Variants in DHRS4 observed in about 807,000 individuals in gnomAD.
DHRS4 encodes dehydrogenase/reductase SDR family member 4.
Under a neutral mutation model 28.4 loss-of-function variants are expected in DHRS4, and 20 were observed. The observed-to-expected ratio is 0.71, with a 90% CI of 0.50 to 1.02. DHRS4 has a LOEUF of 1.02. Among genes scored for constraint, DHRS4 ranks in the 50% least tolerant of loss-of-function variants. The pLI, the probability that DHRS4 is intolerant of heterozygous loss-of-function variation, is 0.00. For synonymous variants in DHRS4, 144 were observed against 146.4 expected (o/e 0.98, Z 0.12); for missense variants, 378 against 367.2 (o/e 1.03, Z -0.24).
intron 2 of DHRS4, among the ~76,000 whole-genome samples, chr14:23,956,324 C>CTGTT (rs1566468988): frequency 0.013 from 1,938 of 152,230 alleles, 47 homozygotes; most frequent in African/African-American, 0.044. Context: ...AAAATCCTCC[C>CTGTT]GGAAAAACAT....
At chr14:23,959,856 C>G (rs1172913730) in intron 2 of DHRS4, 46 bp from the exon 3 acceptor site, 2 of 1,595,900 alleles carry the variant, frequency 1.3e-6, no homozygotes, top group African/African-American at 1.4e-5. Flanking sequence ...AAATGCACCT[C>G]CCTTACTTAC....
At chr14:23,958,284 G>A (rs1446989306) in intron 2 of DHRS4, among the ~76,000 whole-genome samples, 3 of 152,182 alleles carry the variant, frequency 2.0e-5, no homozygotes, top group Admixed American at 2.0e-4. Context: ...AGAATAATTA[G>A]TTAAAACGGG....
chr14:23,960,160 G>C, intron 3 of DHRS4, among the ~76,000 whole-genome samples, 157 bp downstream of exon 3: 1 of 151,964 alleles, frequency 6.6e-6, no homozygotes, highest in Non-Finnish European at 1.5e-5. Flanking sequence ...GCAAAGGGCG[G>C]GTGGGGGTGG....
intron 7 of DHRS4, 153 bp downstream of exon 7, chr14:23,967,419 A>G: frequency 8.5e-7 from 1 of 1,177,740 alleles, no homozygotes; most frequent in Non-Finnish European, 1.2e-6. Context: ...CTATCACTAC[A>G]GTGACCTGAG....
intron 2 of DHRS4, among the ~76,000 whole-genome samples, chr14:23,957,146 A>G (rs1305860322): frequency 6.6e-6 from 1 of 152,174 alleles, no homozygotes; most frequent in Admixed American, 6.5e-5. Flanking sequence ...GGACTGGAAT[A>G]GATGTGCCCA....
chr14:23,957,648 C>T (rs2033231099), intron 2 of DHRS4, among the ~76,000 whole-genome samples: 1 of 149,958 alleles, frequency 6.7e-6, no homozygotes, highest in Non-Finnish European at 1.5e-5. Context: ...CCTCGAAGTC[C>T]TGAACTCAAG....
intron 2 of DHRS4, 121 bp downstream of exon 2, chr14:23,955,333 A>G (rs979774536): frequency 8.5e-6 from 12 of 1,412,148 alleles, no homozygotes; most frequent in Non-Finnish European, 1.1e-5. Context: ...TTATGTCCAT[A>G]TACTAACGTC....
chr14:23,958,274 A>C (rs1300924968), intron 2 of DHRS4, among the ~76,000 whole-genome samples: 4 of 152,208 alleles, frequency 2.6e-5, no homozygotes, highest in Non-Finnish European at 5.9e-5. Flanking sequence ...CTAGTTAACA[A>C]GAATAATTAG....
chr14:23,968,969 G>A lies in DHRS4; in HGVS notation c.*98G>A, dbSNP rs1240973034. 6.8e-7 allele frequency: 1 copy of A among 1,476,358 alleles called. No individual in the cohort carries two copies. The highest frequency in any genetic ancestry group is 2.4e-5 in the East Asian group (1 of 40,862). 91.5% of individuals were successfully genotyped at this position (1,476,358 alleles called of 1,614,324 possible). On this transcript the variant is annotated 3_prime_UTR_variant, in exon 8 of 8. Transcript: ENST00000313250. ...CTTTCCCACCTCTGCTCACCTTACT[G>A]TTCACCTCATCAAATCAGTTCTGCC...
intron 1 of DHRS4, 54 bp from the exon 2 acceptor site, chr14:23,954,981 T>G (rs1455414390): frequency 6.2e-6 from 10 of 1,607,078 alleles, no homozygotes; most frequent in African/African-American, 1.3e-5. Flanking sequence ...GCTCATACTG[T>G]CGACCTCTTC....
chr14:23,966,226 T>C lies in DHRS4; in HGVS notation c.532-57T>C, dbSNP rs534398964. 223 of 1,584,138 alleles carry C rather than the reference T, an allele frequency of 1.4e-4. 1 individual carries two copies. In the African/African-American group the frequency reaches 2.7e-3, roughly 19 times the overall value. ...GAGCACTGCCCTCTATGTCTAGTTA[T>C]TAGAACCAAGAATGACCTGGAAACT... On this transcript the variant is annotated intron_variant, in intron 5 of 7. Coordinates refer to ENST00000313250, the MANE Select transcript of DHRS4 (RefSeq NM_021004.4).
At chr14:23,960,332 C>A (rs1385223381) in intron 3 of DHRS4, among the ~76,000 whole-genome samples, 1 of 152,048 alleles carries the variant, frequency 6.6e-6, no homozygotes, top group African/African-American at 2.4e-5. Flanking sequence ...AATATGCCAA[C>A]AACTACAACA....
chr14:23,963,988 AT>A (rs1259478570), intron 3 of DHRS4, among the ~76,000 whole-genome samples: 1 of 151,178 alleles, frequency 6.6e-6, no homozygotes, highest in Non-Finnish European at 1.5e-5. Context: ...AACACACAAC[AT>A]TTTTCGATTA....
Position 23,965,792 on chromosome 14 carries a change from C to T in DHRS4, c.439C>T (p.Leu147=). ...TLDINVKAPA[L]MTKAVVPEME... ...GGACATTAATGTGAAGGCCCCAGCC[C>T]TGATGACAAAGGCAGTGGTGCCAGA... The change falls in exon 4 of 8, where the codon CTG becomes TTG. Residue 147 remains leucine, a synonymous_variant. Coordinates refer to ENST00000313250, the MANE Select transcript of DHRS4 (RefSeq NM_021004.4). 6.2e-7 allele frequency: 1 copy of T among 1,606,032 alleles called. No homozygotes were observed. Among genetic ancestry groups the T allele is most frequent in the Non-Finnish European group, 8.5e-7 (1 of 1,175,552 alleles).
chr14:23,960,337 A>G (rs2138449814), intron 3 of DHRS4, among the ~76,000 whole-genome samples: 1 of 152,168 alleles, frequency 6.6e-6, no homozygotes, highest in South Asian at 2.1e-4. Context: ...GCCAACAACT[A>G]CAACACTTAA....
chr14:23,968,439 T>C (rs2033714153), intron 7 of DHRS4, among the ~76,000 whole-genome samples: 1 of 150,674 alleles, frequency 6.6e-6, no homozygotes, highest in Admixed American at 6.6e-5. Context: ...AAACCATTTT[T>C]TTGAAGTATG....
At chr14:23,966,838 C>T (rs141694248) in intron 6 of DHRS4, among the ~76,000 whole-genome samples, 16,745 of 150,276 alleles carry the variant, frequency 0.11, 32 homozygotes, top group East Asian at 0.21. Flanking sequence ...CTTCCCTTTC[C>T]GTTCTTCACT....
At chr14:23,960,193 C>A (rs965062664) in intron 3 of DHRS4, among the ~76,000 whole-genome samples, 190 bp downstream of exon 3, 1 of 151,972 alleles carries the variant, frequency 6.6e-6, no homozygotes, top group African/African-American at 2.4e-5. Flanking sequence ...CCTTCTCATT[C>A]GTTTCTGCTA....
At chr14:23,960,923 A>G (rs932098158) in intron 3 of DHRS4, among the ~76,000 whole-genome samples, 5 of 149,352 alleles carry the variant, frequency 3.3e-5, no homozygotes, top group Non-Finnish European at 2.9e-5. Context: ...GGCAGAAGGA[A>G]AAAGGGAGCA....
Sources: allele counts gnomAD v4.1 joint callset (sites outside exome capture counted in the v4.1 genomes callset), GRCh38; gene constraint gnomAD v4.1.1; transcripts MANE v1.5; gene names NCBI Gene and HGNC (gene_info 2026-07-23, HGNC 2026-07-21).